Variants in PARM1 observed in about 807,000 individuals in gnomAD.
PARM1 encodes prostate androgen-regulated mucin-like protein 1.
PARM1 carries 14 observed loss-of-function variants against 24.6 expected under a neutral mutation model. The observed-to-expected ratio is 0.57, with a 90% CI of 0.38 to 0.89. The LOEUF (loss-of-function observed/expected upper bound fraction) is 0.89. Among genes scored for constraint, PARM1 ranks in the 40% least tolerant of loss-of-function variants. The pLI, the probability that PARM1 is intolerant of heterozygous loss-of-function variation, is 0.00. For missense variants in PARM1, 362 were observed against 380.4 expected (o/e 0.95, Z 0.40); for synonymous variants, 179 against 156.6 (o/e 1.14, Z -1.07).
Position 74,939,362 on chromosome 4 carries a change from C to T in PARM1, c.43+5992C>T, listed in dbSNP as rs185402370. On this transcript the variant is annotated intron_variant, in intron 1 of 3. Coordinates refer to ENST00000307428, the MANE Select transcript of PARM1 (RefSeq NM_015393.4). ...AGATATTTTGATTCTGATTATATAT[C>T]CATTAACTGTGTATTCCTGAACATT... is the stretch of plus-strand genomic sequence containing the variant. Among the ~76,000 whole-genome samples, 133 of 152,234 alleles carry T rather than the reference C, an allele frequency of 8.7e-4. 1 individual carries two copies. Among genetic ancestry groups the T allele is most frequent in the African/African-American group, 3.1e-3 (129 of 41,560 alleles).
At chr4:74,966,322 A>T (rs78148930) in intron 1 of PARM1, among the ~76,000 whole-genome samples, 6,224 of 152,280 alleles carry the variant, frequency 0.041, 411 homozygotes, top group African/African-American at 0.14. Flanking sequence ...GGGGAGAGCG[A>T]TCAGGCTCAA....
chr4:75,036,196 T>C lies in PARM1; in HGVS notation c.848+2235T>C, dbSNP rs906242910. ...ACCTTCACTGAAGTGTGGAGTGAAA[T>C]AGAAACACTTCCTTCTTGCTACACA... On this transcript the variant is annotated intron_variant, in intron 3 of 3. Coordinates refer to ENST00000307428, the MANE Select transcript of PARM1 (RefSeq NM_015393.4). 2.8e-4 allele frequency among the ~76,000 whole-genome samples: 43 copies of C among 152,140 alleles called. 1 individual carries two copies. Among genetic ancestry groups the C allele is most frequent in the African/African-American group, 9.9e-4 (41 of 41,414 alleles).
chr4:74,986,003 G>A (rs138444230), intron 1 of PARM1, among the ~76,000 whole-genome samples: 111 of 152,184 alleles, frequency 7.3e-4, no homozygotes, highest in African/African-American at 2.6e-3. Context: ...TCCTGACCTC[G>A]TGATCCACCT....
At chr4:75,036,591 A>G (rs1005220004) in intron 3 of PARM1, among the ~76,000 whole-genome samples, 1 of 152,226 alleles carries the variant, frequency 6.6e-6, no homozygotes, top group African/African-American at 2.4e-5. Context: ...ATAGCTGTAG[A>G]GCGTCAGCCA....
At chr4:74,980,143 A>C (rs1047052673) in intron 1 of PARM1, among the ~76,000 whole-genome samples, 1 of 152,152 alleles carries the variant, frequency 6.6e-6, no homozygotes, top group African/African-American at 2.4e-5. Flanking sequence ...AAAGAAATAA[A>C]GTGTTTCAAA....
Position 75,012,795 on chromosome 4 carries a change from G to C in PARM1, c.414G>C (p.Leu138=), listed in dbSNP as rs1460370726. Reference sequence around the variant, plus strand: ...CTGAAGCAGGCGTGGCAGCTACACTGTCGCAGTCCGCTGCTGAGCCTCCCA... The same window carrying C: ...CTGAAGCAGGCGTGGCAGCTACACTCTCGCAGTCCGCTGCTGAGCCTCCCA... ...GTPEAGVAAT[L]SQSAAEPPTL... The change falls in exon 2 of 4, where the codon CTG becomes CTC. Residue 138 remains leucine, a synonymous_variant. Transcript: ENST00000307428. 1.2e-6 allele frequency: 2 copies of C among 1,613,850 alleles called. No individual in the cohort carries two copies. Among genetic ancestry groups the C allele is most frequent in the African/African-American group, 2.7e-5 (2 of 74,894 alleles).
At chr4:74,956,741 T>C (rs1721643942) in intron 1 of PARM1, 2 of 152,240 alleles carry the variant, frequency 1.3e-5, no homozygotes, top group African/African-American at 4.8e-5. Flanking sequence ...ATTTACTCTA[T>C]AATCTTTTGC....
chr4:74,938,786 CT>C (rs1721243442), intron 1 of PARM1, among the ~76,000 whole-genome samples: 1 of 152,130 alleles, frequency 6.6e-6, no homozygotes, highest in Non-Finnish European at 1.5e-5. Context: ...ATTTCTTTCA[CT>C]TGTTTTAACA....
intron 2 of PARM1, among the ~76,000 whole-genome samples, chr4:75,028,361 A>G (rs1267824332): frequency 1.3e-5 from 2 of 152,190 alleles, no homozygotes; most frequent in Non-Finnish European, 2.9e-5. Context: ...CCACAGATAC[A>G]TGCTTTTAAA....
intron 1 of PARM1, among the ~76,000 whole-genome samples, chr4:75,005,119 A>T (rs1412948034): frequency 6.6e-6 from 1 of 152,182 alleles, no homozygotes; most frequent in African/African-American, 2.4e-5. Flanking sequence ...TGGCCTTTTC[A>T]GCAGTTCACG....
At chr4:74,979,115 A>G (rs903200011) in intron 1 of PARM1, among the ~76,000 whole-genome samples, 7 of 152,000 alleles carry the variant, frequency 4.6e-5, no homozygotes, top group Admixed American at 3.3e-4. Flanking sequence ...ATCAGAGAGG[A>G]ACAGAAGGAG....
chr4:74,933,235 G>C lies in PARM1; in HGVS notation c.-93G>C, dbSNP rs1197043369. On this transcript the variant is annotated 5_prime_UTR_variant, in exon 1 of 4. Coordinates refer to ENST00000307428, the MANE Select transcript of PARM1 (RefSeq NM_015393.4). ...TCCCGGCTCCCACCGCAGCCCACCC[G>C]GCAGAGGAGTCGCTACCAGCGCCCA... 1 of 1,137,616 alleles carries C rather than the reference G, an allele frequency of 8.8e-7. No homozygotes were observed. Among genetic ancestry groups the C allele is most frequent in the African/African-American group, 1.5e-5 (1 of 65,298 alleles). The allele number at this position is 1,137,616 out of a possible 1,614,324, so 70.5% of individuals were successfully genotyped here.
At chr4:74,998,995 G>C (rs1345233457) in intron 1 of PARM1, 8 of 152,264 alleles carry the variant, frequency 5.3e-5, no homozygotes, top group Admixed American at 5.2e-4. Flanking sequence ...ACACAACATA[G>C]AGTGTCCCTG....
At chr4:75,013,711 T>C (rs549189409) in intron 2 of PARM1, among the ~76,000 whole-genome samples, 1 of 152,316 alleles carries the variant, frequency 6.6e-6, no homozygotes, top group African/African-American at 2.4e-5. Flanking sequence ...AGAGTAGGAG[T>C]GGAGAAAACT....
intron 3 of PARM1, among the ~76,000 whole-genome samples, chr4:75,045,661 C>T (rs1723588046): frequency 6.6e-6 from 1 of 152,176 alleles, no homozygotes; most frequent in Non-Finnish European, 1.5e-5. Context: ...CTATACCTGC[C>T]CCATGGCCTT....
At chr4:75,004,379 G>T (rs1722734381) in intron 1 of PARM1, among the ~76,000 whole-genome samples, 1 of 152,202 alleles carries the variant, frequency 6.6e-6, no homozygotes, top group Non-Finnish European at 1.5e-5. Context: ...TAGAGTCTGT[G>T]TGAAGTGAGG....
chr4:74,933,837 G>C (rs1291564656), intron 1 of PARM1, among the ~76,000 whole-genome samples: 2 of 152,176 alleles, frequency 1.3e-5, no homozygotes, highest in Non-Finnish European at 1.5e-5. Context: ...GCGCCTGGCG[G>C]GGCTGGTTTG....
At chr4:74,956,010 T>C (rs1339830912) in intron 1 of PARM1, 1 of 152,242 alleles carries the variant, frequency 6.6e-6, no homozygotes, top group African/African-American at 2.4e-5. Flanking sequence ...AATTTAAAAA[T>C]GGAAAATACC....
chr4:74,947,283 G>T (rs1437444574), intron 1 of PARM1, among the ~76,000 whole-genome samples: 1 of 152,068 alleles, frequency 6.6e-6, no homozygotes, highest in Non-Finnish European at 1.5e-5. Context: ...ACACTGTGGG[G>T]ATGATATCAG....
Sources: gnomAD v4.1 joint callset for allele counts (sites outside exome capture counted in the v4.1 genomes callset) on GRCh38, gnomAD v4.1.1 for gene constraint, MANE v1.5 for transcripts, NCBI Gene and HGNC (gene_info 2026-07-23, HGNC 2026-07-21) for gene names.